The following CDC42BPG variants were observed in gnomAD, a reference collection of about 807,000 sequenced individuals.
CDC42BPG encodes serine/threonine-protein kinase MRCK gamma.
In CDC42BPG, 157 loss-of-function variants were observed where a neutral mutation model predicts 192.2. The observed-to-expected ratio is 0.82, with a 90% CI of 0.72 to 0.93. The LOEUF (loss-of-function observed/expected upper bound fraction) is 0.93. Ranked by LOEUF, CDC42BPG falls within the 40% of genes least tolerant of loss-of-function variation. The pLI is 0.00. For missense variants in CDC42BPG, 1,992 were observed against 2,122.1 expected (o/e 0.94, Z 1.20); for synonymous variants, 981 against 918.5 (o/e 1.07, Z -1.23).
Position 64,839,074 on chromosome 11 carries a change from C to T in CDC42BPG, c.835G>A (p.Glu279Lys). ...LLFGETPFYA[E>K]SLVETYGKIM... ...TTGCCGTAGGTTTCCACCAAGGACT[C>T]AGCATAGAAGGGCGTCTCCCCAAAG... The change falls in exon 7 of 37, where the codon GAG becomes AAG. Residue 279 changes from glutamate (E) to lysine (K), a missense_variant. Glu to Lys is a moderately conservative substitution (Grantham distance 56, BLOSUM62 1). Around this residue, in one of 2 missense-constraint regions of CDC42BPG, gnomAD observed 1,656 missense variants for 1,844.3 expected, o/e 0.90. Transcript: ENST00000342711. 6.2e-7 allele frequency: 1 copy of T among 1,613,684 alleles called. No individual in the cohort carries two copies. The highest frequency in any genetic ancestry group is 8.5e-7 in the Non-Finnish European group (1 of 1,180,034).
chr11:64,839,250 T>C lies in CDC42BPG; in HGVS notation c.676-17A>G. The stretch of plus-strand genomic sequence containing the variant: ...TGAATCCACCTGTGGGTGGTGGTGG[T>C]GAAGCCATGAGGACAGCTTTGGGCT... On this transcript the variant is annotated splice_polypyrimidine_tract_variant and intron_variant, in intron 6 of 36. Coordinates refer to ENST00000342711, the MANE Select transcript of CDC42BPG (RefSeq NM_017525.3). 4 of 1,612,646 alleles carry C rather than the reference T, an allele frequency of 2.5e-6. No individual in the cohort carries two copies. The highest frequency in any genetic ancestry group is 3.4e-6 in the Non-Finnish European group (4 of 1,179,782).
intron 22 of CDC42BPG, 27 bp from the exon 23 acceptor site, chr11:64,833,686 G>A: frequency 6.2e-7 from 1 of 1,613,048 alleles, no homozygotes; most frequent in African/African-American, 1.3e-5. Flanking sequence ...GAGCAGGTGA[G>A]ACGGGCAAGG....
chr11:64,841,630 C>G lies in CDC42BPG; in HGVS notation c.336+20G>C. 1.2e-6 allele frequency: 2 copies of G among 1,606,698 alleles called. No individual in the cohort carries two copies. Among genetic ancestry groups the G allele is most frequent in the Non-Finnish European group, 1.7e-6 (2 of 1,174,030 alleles). On this transcript the variant is annotated intron_variant, in intron 3 of 36. Transcript: ENST00000342711. The stretch of plus-strand genomic sequence containing the variant: ...ACCCATTTGTAGGGTGCCCAAGGGC[C>G]CCCCAGACTCCACACTGACCTCAGC...
intron 8 of CDC42BPG, 94 bp from the exon 9 acceptor site, chr11:64,838,256 C>G: frequency 1.1e-6 from 1 of 941,078 alleles, no homozygotes; most frequent in Non-Finnish European, 1.6e-6. Flanking sequence ...CGACCACCTC[C>G]TGCACAGGTG....
intron 25 of CDC42BPG, 21 bp downstream of exon 25, chr11:64,832,805 C>T: frequency 6.3e-7 from 1 of 1,588,064 alleles, no homozygotes; most frequent in Non-Finnish European, 8.6e-7. Context: ...CCCATCTTCC[C>T]CTCCCTCGGC....
chr11:64,831,266 G>A lies in CDC42BPG; in HGVS notation c.3304+239C>T, dbSNP rs113413321. Among the ~76,000 whole-genome samples the A allele has an allele frequency of 9.6e-3, 1,451 of 151,770 alleles. 22 individuals carry two copies. Among genetic ancestry groups the A allele is most frequent in the African/African-American group, 0.034 (1,389 of 41,374 alleles). On this transcript the variant is annotated intron_variant, in intron 28 of 36. Transcript: ENST00000342711. ...AAGCCTTTGTTCCTTCCACTTGCTT[G>A]AGATTCTTTTGGAAAAAGCAGAAAC...
intron 30 of CDC42BPG, 130 bp from the exon 31 acceptor site, chr11:64,827,913 C>T: frequency 2.8e-6 from 2 of 704,382 alleles, no homozygotes; most frequent in South Asian, 4.1e-5. Context: ...CCCTGTCGCC[C>T]GGCCCAGCCT....
At position 64,829,916 on chromosome 11, in the gene CDC42BPG, G is replaced by C. The variant is rs747504139; in HGVS notation, c.3522C>G (p.Pro1174=). 3 of 1,610,712 alleles carry C rather than the reference G, an allele frequency of 1.9e-6. No homozygotes were observed. In the South Asian group the frequency reaches 3.3e-5, roughly 18 times the overall value. ...CCAGCACCTGGCAGCCTCGAGACTC[G>C]GGGATCTTGGCACCTGCTACCTCTA... ...ENIEVAGAKI[P]ESRGCQVLAA... Residue 1174 remains proline (P), a synonymous_variant, in exon 30 of 37, where the codon CCC becomes CCG. Coordinates refer to ENST00000342711, the MANE Select transcript of CDC42BPG (RefSeq NM_017525.3).
intron 6 of CDC42BPG, 69 bp downstream of exon 6, chr11:64,839,409 G>C: frequency 6.5e-7 from 1 of 1,536,806 alleles, no homozygotes; most frequent in Non-Finnish European, 8.9e-7. Flanking sequence ...TAGGCCTGGG[G>C]CCTCCCATTT....
chr11:64,826,731 C>G lies in CDC42BPG; in HGVS notation c.4453G>C (p.Glu1485Gln), dbSNP rs531751681. ...ATGGAGGCTGGGCGCCGCAACGCCT[C>G]GGAGAAGCTGTGGGGCCGCTGTGGG... ...SGPQRPHSFS[E>Q]ALRRPASMGS... The change falls in exon 35 of 37, where the codon GAG becomes CAG. Residue 1485 changes from glutamate to glutamine, a missense_variant. Physicochemically the swap from Glu to Gln is conservative, Grantham distance 29. Coordinates refer to ENST00000342711, the MANE Select transcript of CDC42BPG (RefSeq NM_017525.3). The G allele has an allele frequency of 1.0e-5, 16 of 1,548,126 alleles. No individual in the cohort carries two copies. The highest frequency in any genetic ancestry group is 1.2e-5 in the Non-Finnish European group (14 of 1,148,182).
chr11:64,833,703 C>T (rs772910151), intron 22 of CDC42BPG, 35 bp downstream of exon 22: 1 of 1,613,378 alleles, frequency 6.2e-7, no homozygotes, highest in Non-Finnish European at 8.5e-7. Context: ...AAGGGCGGGG[C>T]CCAGGCCCCC....
rs1482486341 is a variant in CDC42BPG, at chr11:64,836,984, G to A, written c.1241C>T (p.Ala414Val). 9 of 1,613,438 alleles carry A rather than the reference G, an allele frequency of 5.6e-6. No individual in the cohort carries two copies. Among genetic ancestry groups the A allele is most frequent in the Non-Finnish European group, 6.8e-6 (8 of 1,179,976 alleles). ...SPESSSEAWA[A>V]LERKLQCLEQ... ...CAGACACTGGAGCTTCCGCTCCAGG[G>A]CAGCCCAAGCCTCAGAGCTGCTCTC... Residue 414 changes from alanine (A) to valine (V), a missense_variant, in exon 10 of 37, where the codon GCC (alanine) becomes GTC (valine). Coordinates refer to ENST00000342711, the MANE Select transcript of CDC42BPG (RefSeq NM_017525.3).
At chr11:64,825,756 C>T (rs2136236650) in intron 36 of CDC42BPG, among the ~76,000 whole-genome samples, 1 of 152,228 alleles carries the variant, frequency 6.6e-6, no homozygotes, top group South Asian at 2.1e-4. Context: ...CTGCTGTGGA[C>T]TGGGCCTCTA....
At chr11:64,825,185 G>A (rs1942371615) in intron 36 of CDC42BPG, among the ~76,000 whole-genome samples, 1 of 152,188 alleles carries the variant, frequency 6.6e-6, no homozygotes, top group Admixed American at 6.5e-5. Flanking sequence ...CCAAAGTGCT[G>A]CGATTACAGG....
Position 64,829,521 on chromosome 11 carries a change from C to T in CDC42BPG, c.3917G>A (p.Arg1306His), listed in dbSNP as rs759473734. 1.6e-5 allele frequency: 25 copies of T among 1,612,760 alleles called. No homozygotes were observed. Among genetic ancestry groups the T allele is most frequent in the African/African-American group, 1.2e-4 (9 of 74,936 alleles). ...TAGIYVDGAG[R>H]KSRGHELLWP... The stretch of plus-strand genomic sequence containing the variant: ...CAACAGCTCGTGGCCACGAGACTTG[C>T]GGCCTGCGCCATCCACGTAGATGCC... Residue 1306 changes from arginine to histidine, a missense_variant, in exon 30 of 37, where the codon CGC (arginine) becomes CAC (histidine). Physicochemically the swap from Arg to His is conservative, Grantham distance 29 (BLOSUM62 0). This residue lies in a region of CDC42BPG where 1,656 missense variants were observed against 1,844.3 expected (regional missense o/e 0.90). Transcript: ENST00000342711.
chr11:64,833,175 T>A (rs1352415495), intron 24 of CDC42BPG, 56 bp downstream of exon 24: 58 of 1,391,174 alleles, frequency 4.2e-5, no homozygotes, highest in Non-Finnish European at 8.0e-6. Context: ...AGCCTGGGTA[T>A]GCCAGGGCCA....
intron 30 of CDC42BPG, among the ~76,000 whole-genome samples, chr11:64,828,070 C>A (rs1197459430): frequency 6.6e-6 from 1 of 152,174 alleles, no homozygotes; most frequent in Non-Finnish European, 1.5e-5. Context: ...GGGAATGGAA[C>A]CCCTGGAGCC....
At position 64,827,663 on chromosome 11, in the gene CDC42BPG, C is replaced by T. The variant is rs749627153; in HGVS notation, c.4065+23G>A. Reference sequence around the variant, plus strand: ...CCACGCCTCCACCCCCGGCGCTACCCCAGGGCTCTGGCGGACCCTCACCTT... The same window carrying T: ...CCACGCCTCCACCCCCGGCGCTACCTCAGGGCTCTGGCGGACCCTCACCTT... On this transcript the variant is annotated intron_variant, in intron 31 of 36. Coordinates refer to ENST00000342711, the MANE Select transcript of CDC42BPG (RefSeq NM_017525.3). 6 of 1,607,376 alleles carry T rather than the reference C, an allele frequency of 3.7e-6. No individual in the cohort carries two copies. The East Asian group carries it at 6.7e-5, about 18-fold the overall frequency.
intron 30 of CDC42BPG, among the ~76,000 whole-genome samples, chr11:64,829,060 C>CAA (rs1942563727): frequency 6.6e-6 from 1 of 151,784 alleles, no homozygotes; most frequent in Admixed American, 6.6e-5. Flanking sequence ...TCAAACAAAA[C>CAA]AAAACAAAAA....
Sources: gnomAD v4.1 joint callset for allele counts (sites outside exome capture counted in the v4.1 genomes callset) on GRCh38, gnomAD v4.1.1 for gene constraint, gnomAD v4.1.1 regional missense constraint, MANE v1.5 for transcripts, NCBI Gene and HGNC (gene_info 2026-07-23, HGNC 2026-07-21) for gene names.